Variants in FSTL5 observed in about 807,000 individuals in gnomAD.
FSTL5 encodes the protein follistatin-related protein 5.
In FSTL5, 62 loss-of-function variants were observed where a neutral mutation model predicts 89.1. The observed-to-expected ratio is 0.70, with a 90% CI of 0.57 to 0.86. The LOEUF is 0.86. Ranked by LOEUF, FSTL5 falls within the 40% of genes least tolerant of loss-of-function variation. FSTL5 has a pLI of 0.00. For missense variants in FSTL5, 1,057 were observed against 1,001.6 expected, an observed-to-expected ratio of 1.06 and a Z score of -0.75; for synonymous variants, 383 against 346.2, an observed-to-expected ratio of 1.11 and a Z score of -1.18.
At chr4:161,561,226 G>T (rs549692818) in intron 8 of FSTL5, among the ~76,000 whole-genome samples, 1 of 151,544 alleles carries the variant, frequency 6.6e-6, no homozygotes, top group Non-Finnish European at 1.5e-5. Flanking sequence ...TACATAGATA[G>T]ATAGATGATA....
At chr4:161,772,263 G>A (rs1007921354) in intron 5 of FSTL5, among the ~76,000 whole-genome samples, 1 of 152,010 alleles carries the variant, frequency 6.6e-6, no homozygotes, top group Non-Finnish European at 1.5e-5. Context: ...CTGTAACTTA[G>A]AGTTATATAT....
intron 10 of FSTL5, among the ~76,000 whole-genome samples, chr4:161,529,489 A>G (rs10023802): frequency 0.031 from 4,421 of 142,384 alleles, 597 homozygotes; most frequent in African/African-American, 0.1. Flanking sequence ...ATGACTCTTC[A>G]TCTTAAGACA....
At chr4:162,070,538 T>C (rs1338585060) in intron 2 of FSTL5, among the ~76,000 whole-genome samples, 2 of 151,814 alleles carry the variant, frequency 1.3e-5, no homozygotes, top group Non-Finnish European at 2.9e-5. Flanking sequence ...TATTGTGGGA[T>C]ATAGGAGTCT....
At position 161,827,617 on chromosome 4, in the gene FSTL5, G is replaced by A. The variant is rs563341332; in HGVS notation, c.410-51543C>T. ...TCTGAGCTCAGACTCTCCTTGGGCA[G>A]GGCTTGCTGTGGCTGCTGTGGAAGA... is the stretch of plus-strand genomic sequence containing the variant. On this transcript the variant is annotated intron_variant, in intron 4 of 15. Coordinates refer to ENST00000306100, the MANE Select transcript of FSTL5 (RefSeq NM_020116.5). Among the ~76,000 whole-genome samples, 5 of 152,308 alleles carry A rather than the reference G, an allele frequency of 3.3e-5. No homozygotes were observed. In the South Asian group the frequency reaches 1.0e-3, roughly 32 times the overall value.
rs879429964 is a variant in FSTL5 at position 161,759,315 on chromosome 4, A to T, written c.727+96T>A. 7 of 1,140,142 alleles carry T rather than the reference A, an allele frequency of 6.1e-6. No homozygotes were observed. The Middle Eastern group carries it at 6.5e-4, about 107-fold the overall frequency. The allele number at this position is 1,140,142 out of a possible 1,614,324, so 70.6% of individuals were successfully genotyped here. A position where few individuals can be genotyped will look rare whatever the true frequency, so the allele number is the denominator to read the frequency against. On this transcript the variant is annotated intron_variant, in intron 6 of 15. Coordinates refer to ENST00000306100, the MANE Select transcript of FSTL5 (RefSeq NM_020116.5). ...CTAAATTATATAATTTTTCTTAAGA[A>T]ACAGCTTGTACTATGAGAGCAAGCA... is the stretch of plus-strand genomic sequence containing the variant.
chr4:162,055,194 T>A (rs532193274), intron 2 of FSTL5, among the ~76,000 whole-genome samples: 1 of 152,022 alleles, frequency 6.6e-6, no homozygotes, highest in South Asian at 2.1e-4. Flanking sequence ...TTCTTTTTCA[T>A]CTACTTTGTA....
At chr4:161,393,053 A>G (rs1730875213) in intron 15 of FSTL5, among the ~76,000 whole-genome samples, 1 of 152,014 alleles carries the variant, frequency 6.6e-6, no homozygotes, top group Non-Finnish European at 1.5e-5. Flanking sequence ...AGTCCCAGCT[A>G]CTTGGGAGGC....
At chr4:161,830,831 C>A (rs143206560) in intron 4 of FSTL5, among the ~76,000 whole-genome samples, 67 of 151,904 alleles carry the variant, frequency 4.4e-4, no homozygotes, top group African/African-American at 1.5e-3. Context: ...ATTGTTTGAT[C>A]ATAGTATGCT....
chr4:161,487,269 AGTG>A (rs1729712021), intron 12 of FSTL5, among the ~76,000 whole-genome samples: 1 of 152,214 alleles, frequency 6.6e-6, no homozygotes, highest in Admixed American at 6.6e-5. Context: ...ATAGTCAAGA[AGTG>A]GTGTATGTTA....
intron 8 of FSTL5, among the ~76,000 whole-genome samples, chr4:161,577,766 G>A (rs1338272721): frequency 1.3e-5 from 2 of 152,046 alleles, no homozygotes; most frequent in East Asian, 1.9e-4. Flanking sequence ...TTATGACTAC[G>A]GAAACCACTA....
intron 4 of FSTL5, among the ~76,000 whole-genome samples, chr4:161,910,147 T>C (rs1192092145): frequency 6.6e-6 from 1 of 152,098 alleles, no homozygotes; most frequent in Non-Finnish European, 1.5e-5. Context: ...CTGTCCTCCT[T>C]ACGACTTTTT....
Position 161,542,639 on chromosome 4 carries a change from G to C in FSTL5, c.1070C>G (p.Thr357Ser). 1.3e-6 allele frequency: 2 copies of C among 1,560,512 alleles called. No homozygotes were observed. Among genetic ancestry groups the C allele is most frequent in the Admixed American group, 1.8e-5 (1 of 55,492 alleles). ...CTCTGCATGGCACCTAAGACTGGCA[G>C]TTACCCCAGGCTCTCTAGCCTGACT... ...PESQAREPGV[T>S]ASLRCHAEGI... The change falls in exon 9 of 16, where the codon ACT becomes AGT. Residue 357 changes from threonine (T) to serine (S), a missense_variant. Around this residue, in one of 3 missense-constraint regions of FSTL5, gnomAD observed 980 missense variants for 903.2 expected, o/e 1.08. Transcript: ENST00000306100.
chr4:161,670,020 G>C (rs1267794500), intron 6 of FSTL5, among the ~76,000 whole-genome samples: 2 of 151,982 alleles, frequency 1.3e-5, no homozygotes, highest in African/African-American at 4.8e-5. Flanking sequence ...TGATTTATTG[G>C]TGTAAATACT....
At chr4:161,631,462 C>A (rs549348312) in intron 7 of FSTL5, among the ~76,000 whole-genome samples, 2 of 152,144 alleles carry the variant, frequency 1.3e-5, no homozygotes, top group African/African-American at 4.8e-5. Flanking sequence ...ACTAAAAATA[C>A]AAAAATTAGC....
chr4:161,817,502 T>C (rs1946656), intron 4 of FSTL5, among the ~76,000 whole-genome samples: 71,442 of 152,056 alleles, frequency 0.47, 16,972 homozygotes, highest in Middle Eastern at 0.5. Flanking sequence ...AATAAATTAA[T>C]GGCTCCTCAG....
intron 3 of FSTL5, among the ~76,000 whole-genome samples, chr4:161,955,812 C>T (rs1235269861): frequency 1.3e-5 from 2 of 151,658 alleles, no homozygotes; most frequent in African/African-American, 4.8e-5. Flanking sequence ...TTAATAATAA[C>T]TAATGTAAAA....
rs1027850550 is a variant in FSTL5, at chr4:161,400,066, T to G, written c.1842-13617A>C. Among the ~76,000 whole-genome samples the G allele has an allele frequency of 2.0e-5, 3 of 152,130 alleles. No homozygotes were observed. The East Asian group carries it at 5.8e-4, about 29-fold the overall frequency. ...TTATATGCTTCATAATATACACAAC[T>G]TTTATTTCATTTCTTCACATTTCTA... On this transcript the variant is annotated intron_variant, in intron 15 of 15. Coordinates refer to ENST00000306100, the MANE Select transcript of FSTL5 (RefSeq NM_020116.5).
intron 7 of FSTL5, among the ~76,000 whole-genome samples, chr4:161,611,224 G>T (rs1011800758): frequency 1.8e-5 from 2 of 110,546 alleles, no homozygotes; most frequent in Non-Finnish European, 3.5e-5. Flanking sequence ...ATGTGTGTAT[G>T]TGTATACATA....
intron 2 of FSTL5, among the ~76,000 whole-genome samples, chr4:162,097,848 T>C (rs1579025180): frequency 6.6e-6 from 1 of 152,030 alleles, no homozygotes; most frequent in East Asian, 1.9e-4. Context: ...CACCTGGAAA[T>C]TTCATACATT....
Sources: gnomAD v4.1 joint callset for allele counts (sites outside exome capture counted in the v4.1 genomes callset) on GRCh38, gnomAD v4.1.1 for gene constraint, gnomAD v4.1.1 regional missense constraint, MANE v1.5 for transcripts, NCBI Gene and HGNC (gene_info 2026-07-23, HGNC 2026-07-21) for gene names.